AGAP3: variants seen among roughly 807,000 people sequenced by gnomAD.
AGAP3 encodes the protein ArfGAP with GTPase domain, ankyrin repeat and PH domain 3, also known as arf-GAP with GTPase, ANK repeat and PH domain-containing protein 3.
Under a neutral mutation model 96.9 loss-of-function variants are expected in AGAP3, and 24 were observed. The observed-to-expected ratio is 0.25, with a 90% confidence interval of 0.18 to 0.35. AGAP3 has a LOEUF of 0.35. Among genes scored for constraint, AGAP3 ranks in the 10% least tolerant of loss-of-function variants. The pLI is 1.00. For synonymous variants in AGAP3, 563 were observed against 536.1 expected (o/e 1.05, Z -0.69); for missense variants, 876 against 1,254.2 (o/e 0.70, Z 4.55).
chr7:151,111,047 C>T (rs543083103), intron 1 of AGAP3, among the ~76,000 whole-genome samples: 6 of 152,268 alleles, frequency 3.9e-5, no homozygotes, highest in Non-Finnish European at 5.9e-5. Context: ...CCCGTCTTCT[C>T]CTCTGATTCC....
At chr7:151,117,553 A>G in intron 4 of AGAP3, 83 bp from the exon 5 acceptor site, 5 of 1,612,098 alleles carry the variant, frequency 3.1e-6, no homozygotes, top group Admixed American at 1.7e-5. Flanking sequence ...GTCCAGGGAG[A>G]AGGGTCTACT....
In AGAP3 at chr7:151,118,062, A is replaced by G; in HGVS notation, c.707-148A>G. 1 of 1,130,820 alleles carries G rather than the reference A, an allele frequency of 8.8e-7. No individual in the cohort carries two copies. Among genetic ancestry groups the G allele is most frequent in the Non-Finnish European group, 1.2e-6 (1 of 804,068 alleles). The allele number at this position is 1,130,820 out of a possible 1,614,324, so 70.0% of individuals were successfully genotyped here. On this transcript the variant is annotated intron_variant, in intron 5 of 17. Coordinates refer to ENST00000397238, the MANE Select transcript of AGAP3 (RefSeq NM_031946.7). This position sits in a 1 kb window ranked among gnomAD's most constrained non-coding sequence, Gnocchi z 6.1. ...CTCAGTGAGGCCATGGAAGGGTTGA[A>G]ATGAGACCCAGGCACCCGCGTTCTT...
Position 151,118,010 on chromosome 7 carries a change from C to T in AGAP3, c.707-200C>T. ...GTTTTTTTAGATGAATAAACGTGCT[C>T]AGAGCTTAAGTGCTTGCTGGTTTGC... On this transcript the variant is annotated intron_variant, in intron 5 of 17. Transcript: ENST00000397238. The surrounding 1 kb of genome is among the most constrained non-coding windows in gnomAD (Gnocchi z 6.1). 3 of 891,092 alleles carry T rather than the reference C, an allele frequency of 3.4e-6. No individual in the cohort carries two copies. The highest frequency in any genetic ancestry group is 1.7e-6 in the Non-Finnish European group (1 of 595,232). The allele number at this position is 891,092 out of a possible 1,614,324, so 55.2% of individuals were successfully genotyped here. A position where few individuals can be genotyped will look rare whatever the true frequency, so the allele number is the denominator to read the frequency against.
At chr7:151,122,826 C>T in intron 8 of AGAP3, 2 of 1,612,998 alleles carry the variant, frequency 1.2e-6, no homozygotes, top group Middle Eastern at 1.7e-4. Context: ...TGGACATGCC[C>T]CCTGTGCGGG....
Position 151,140,106 on chromosome 7 carries a change from T to C in AGAP3, c.1794T>C (p.Ser598=). 6.3e-7 allele frequency: 1 copy of C among 1,595,040 alleles called. No individual in the cohort carries two copies. The highest frequency in any genetic ancestry group is 8.5e-7 in the Non-Finnish European group (1 of 1,171,314). Residue 598 remains serine, a synonymous_variant, in exon 13 of 18, where the codon AGT becomes AGC. Coordinates refer to ENST00000397238, the MANE Select transcript of AGAP3 (RefSeq NM_031946.7). This position sits in a 1 kb window ranked among gnomAD's most constrained non-coding sequence, Gnocchi z 5.4. ...CCCCCCGACCAGACGGCCCCAGCAG[T>C]GCTACTGAAGGTTAGGGGGACCCAG... ...TGTPRPDGPS[S]ATEEAEESFE... is the part of the protein sequence containing the mutation.
At position 151,094,379 on chromosome 7, in the gene AGAP3, C is replaced by T. The variant is rs545912928; in HGVS notation, c.331+7307C>T. On this transcript the variant is annotated intron_variant, in intron 1 of 17. Coordinates refer to ENST00000397238, the MANE Select transcript of AGAP3 (RefSeq NM_031946.7). ...TTTTAGGACGTTTGCGGCACTCTGG[C>T]ACCCTGCCCTCCAGAAAGGCCATTT... Among the ~76,000 whole-genome samples, 87 of 152,088 alleles carry T rather than the reference C, an allele frequency of 5.7e-4. 1 individual carries two copies. Among genetic ancestry groups the T allele is most frequent in the Admixed American group, 2.2e-3 (33 of 15,262 alleles).
chr7:151,134,623 A>C, intron 11 of AGAP3, 55 bp downstream of exon 11: 1 of 1,524,574 alleles, frequency 6.6e-7, no homozygotes. Flanking sequence ...GAGCCAAGGC[A>C]AGCAGGCATT....
At chr7:151,117,981 CTG>C (rs1178897245) in intron 5 of AGAP3, 10 of 887,126 alleles carry the variant, frequency 1.1e-5, no homozygotes, top group East Asian at 5.4e-5. Flanking sequence ...ACTAGCAGGT[CTG>C]TGTTTTTTTA....
rs1273667397 is a variant in AGAP3, at chr7:151,114,781, G to A, written c.332-2012G>A. ...CCGCCGGCCCTGAGCATGGAGCGGG[G>A]CTGGCCGCAGGGGGACAGCTGTCCC... On this transcript the variant is annotated intron_variant, in intron 1 of 17. Coordinates refer to ENST00000397238, the MANE Select transcript of AGAP3 (RefSeq NM_031946.7). The surrounding 1 kb of genome is among the most constrained non-coding windows in gnomAD (Gnocchi z 4.4). 9.7e-7 allele frequency: 1 copy of A among 1,033,216 alleles called. No individual in the cohort carries two copies. Among genetic ancestry groups the A allele is most frequent in the South Asian group, 4.0e-5 (1 of 24,816 alleles). 64.0% of individuals were successfully genotyped at this position (1,033,216 alleles called of 1,614,324 possible).
rs950897799 is a variant in AGAP3 at position 151,127,997 on chromosome 7, C to T, written c.1222-583C>T. On this transcript the variant is annotated intron_variant, in intron 9 of 17. Transcript: ENST00000397238. ...GCGTTCAGCGAGTCTCACTGGCTTA[C>T]GCGGGAAGTGTGGTTGCTGGGAGGG... Among the ~76,000 whole-genome samples, 10 of 152,272 alleles carry T rather than the reference C, an allele frequency of 6.6e-5. No homozygotes were observed. The East Asian group carries it at 7.7e-4, about 12-fold the overall frequency.
At chr7:151,121,620 G>A (rs1252799341) in intron 8 of AGAP3, among the ~76,000 whole-genome samples, 2 of 151,922 alleles carry the variant, frequency 1.3e-5, no homozygotes, top group Non-Finnish European at 2.9e-5. Context: ...CGTGCTTCCT[G>A]CCATCCTGTG....
In AGAP3 at chr7:151,118,687, C is replaced by T. The variant is rs1172329752; in HGVS notation, c.969+55C>T. ...TGTCCCCACCATGTCTGTCTTGCCT[C>T]TGTGCGTCCTGCCACTTCTGCTGGC... On this transcript the variant is annotated intron_variant, in intron 7 of 17. Transcript: ENST00000397238. This position sits in a 1 kb window ranked among gnomAD's most constrained non-coding sequence, Gnocchi z 6.1. 6.3e-7 allele frequency: 1 copy of T among 1,586,862 alleles called. No homozygotes were observed. The highest frequency in any genetic ancestry group is 2.2e-5 in the East Asian group (1 of 44,520).
intron 1 of AGAP3, among the ~76,000 whole-genome samples, chr7:151,101,526 G>A (rs1798834056): frequency 6.6e-6 from 1 of 152,182 alleles, no homozygotes; most frequent in Non-Finnish European, 1.5e-5. Flanking sequence ...GAGTGCCCTC[G>A]AGGGGTGGAA....
chr7:151,089,247 C>T (rs957472592), intron 1 of AGAP3, among the ~76,000 whole-genome samples: 1 of 152,252 alleles, frequency 6.6e-6, no homozygotes, highest in African/African-American at 2.4e-5. Flanking sequence ...AACCATATTG[C>T]TTCTGTCCTG....
In AGAP3 at chr7:151,141,775, G is replaced by A; in HGVS notation, c.1805-123G>A. 7.8e-7 allele frequency: 1 copy of A among 1,276,830 alleles called. No individual in the cohort carries two copies. 79.1% of individuals were successfully genotyped at this position (1,276,830 alleles called of 1,614,324 possible). A position where few individuals can be genotyped will look rare whatever the true frequency, so the allele number is the denominator to read the frequency against. ...CCTGGAGTGTGTGGCCTTGCAGCTGGGGAAGGGTCTAGGGGAGGACACTTG... is the reference window on the plus strand; with the variant it reads ...CCTGGAGTGTGTGGCCTTGCAGCTGAGGAAGGGTCTAGGGGAGGACACTTG... On this transcript the variant is annotated intron_variant, in intron 13 of 17. Transcript: ENST00000397238. This position sits in a 1 kb window ranked among gnomAD's most constrained non-coding sequence, Gnocchi z 4.2.
At chr7:151,094,287 G>A (rs1418452185) in intron 1 of AGAP3, among the ~76,000 whole-genome samples, 2 of 152,108 alleles carry the variant, frequency 1.3e-5, no homozygotes, top group African/African-American at 2.4e-5. Context: ...CGCCTTGTAC[G>A]CTTGTCTCGT....
chr7:151,115,807 A>G (rs1329723421), intron 1 of AGAP3, among the ~76,000 whole-genome samples: 1 of 151,982 alleles, frequency 6.6e-6, no homozygotes, highest in African/African-American at 2.4e-5. Context: ...GCAGTGGCCG[A>G]GGAGGACAGG....
chr7:151,104,684 CAGG>C (rs1161262776), intron 1 of AGAP3, among the ~76,000 whole-genome samples: 2 of 152,312 alleles, frequency 1.3e-5, no homozygotes, highest in Non-Finnish European at 2.9e-5. Flanking sequence ...TGGTGGAGAG[CAGG>C]AGAAGGGATT....
chr7:151,101,395 G>T (rs574254347), intron 1 of AGAP3, among the ~76,000 whole-genome samples: 1 of 152,230 alleles, frequency 6.6e-6, no homozygotes, highest in Non-Finnish European at 1.5e-5. Flanking sequence ...TGCCCTCCCT[G>T]TTGGCAGGGA....
Sources: allele counts gnomAD v4.1 joint callset (sites outside exome capture counted in the v4.1 genomes callset), GRCh38; gene constraint gnomAD v4.1.1; non-coding constraint Gnocchi (gnomAD v3.1); transcripts MANE v1.5; gene names NCBI Gene and HGNC (gene_info 2026-07-23, HGNC 2026-07-21).